PIGU: variants seen among roughly 807,000 people sequenced by gnomAD.
PIGU encodes phosphatidylinositol glycan anchor biosynthesis class U.
In PIGU, 24 loss-of-function variants were observed where a neutral mutation model predicts 49.9. The observed-to-expected ratio is 0.48, with a 90% CI of 0.35 to 0.68. The LOEUF is 0.68. Ranked by LOEUF, PIGU falls within the 30% of genes least tolerant of loss-of-function variation. The probability of loss-of-function intolerance (pLI) is 0.01; values close to 1 mark genes in which losing one functional copy is unlikely to be tolerated. For synonymous variants in PIGU, 220 were observed against 205.7 expected (o/e 1.07, Z -0.59); for missense variants, 490 against 532.6 (o/e 0.92, Z 0.79).
intron 6 of PIGU, among the ~76,000 whole-genome samples, chr20:34,629,891 T>C (rs1253644178): frequency 1.3e-5 from 2 of 151,416 alleles, no homozygotes; most frequent in Non-Finnish European, 2.9e-5. Flanking sequence ...TAAGGGGAGA[T>C]TATAGCAAAA....
At chr20:34,601,418 C>G (rs1984421243) in intron 7 of PIGU, among the ~76,000 whole-genome samples, 1 of 152,108 alleles carries the variant, frequency 6.6e-6, no homozygotes, top group African/African-American at 2.4e-5. Context: ...TGAGGCACAT[C>G]TAAAATTCCT....
At chr20:34,670,245 A>T (rs1370447318) in intron 1 of PIGU, among the ~76,000 whole-genome samples, 1 of 147,928 alleles carries the variant, frequency 6.8e-6, no homozygotes, top group Non-Finnish European at 1.5e-5. Flanking sequence ...GCTGGAGTGC[A>T]GTGGCATGAT....
intron 7 of PIGU, among the ~76,000 whole-genome samples, chr20:34,609,571 G>A (rs937327380): frequency 6.6e-6 from 1 of 151,986 alleles, no homozygotes; most frequent in Non-Finnish European, 1.5e-5. Flanking sequence ...CACTATGTTG[G>A]CCAGGCTTGT....
At chr20:34,587,602 CAT>C (rs1177168850) in intron 8 of PIGU, among the ~76,000 whole-genome samples, 2 of 152,232 alleles carry the variant, frequency 1.3e-5, no homozygotes, top group East Asian at 3.9e-4. Context: ...AAGAAAAAAA[CAT>C]ATTCCTCCTG....
intron 6 of PIGU, among the ~76,000 whole-genome samples, chr20:34,626,299 C>A (rs1007380384): frequency 1.4e-5 from 2 of 142,108 alleles, no homozygotes; most frequent in South Asian, 2.1e-4. Flanking sequence ...TTTAAAACTC[C>A]AAACTTTTTT....
chr20:34,584,968 G>T (rs564124891), intron 9 of PIGU, among the ~76,000 whole-genome samples: 2 of 152,170 alleles, frequency 1.3e-5, no homozygotes, highest in Non-Finnish European at 2.9e-5. Flanking sequence ...GATTATATGC[G>T]TGAGCCACTG....
At chr20:34,584,504 C>CTTTTTTT (rs5841174) in intron 9 of PIGU, among the ~76,000 whole-genome samples, 6 of 66,406 alleles carry the variant, frequency 9.0e-5, no homozygotes, top group Admixed American at 1.8e-4. Context: ...AACTCCTGTT[C>CTTTTTTT]TTTTTTTTTT....
chr20:34,664,771 C>T (rs1987033793), intron 1 of PIGU, among the ~76,000 whole-genome samples: 1 of 152,072 alleles, frequency 6.6e-6, no homozygotes, highest in South Asian at 2.1e-4. Context: ...GGGTATATCG[C>T]TTGAGCTCAG....
chr20:34,608,071 C>CTT (rs10555161), intron 7 of PIGU, among the ~76,000 whole-genome samples: 22 of 123,828 alleles, frequency 1.8e-4, no homozygotes, highest in East Asian at 4.8e-4. Flanking sequence ...GGAGACATGA[C>CTT]TTTTTTTTTT....
At chr20:34,566,027 G>C (rs1224875964) in intron 11 of PIGU, among the ~76,000 whole-genome samples, 2 of 150,798 alleles carry the variant, frequency 1.3e-5, no homozygotes, top group African/African-American at 4.9e-5. Context: ...CACACACACA[G>C]ATGCACACAC....
At chr20:34,647,837 G>T (rs1215349829) in intron 2 of PIGU, among the ~76,000 whole-genome samples, 1 of 152,086 alleles carries the variant, frequency 6.6e-6, no homozygotes, top group Non-Finnish European at 1.5e-5. Flanking sequence ...TAACACCTAT[G>T]GTTGCATCAT....
intron 1 of PIGU, among the ~76,000 whole-genome samples, chr20:34,666,561 T>C (rs748772734): frequency 4.3e-4 from 65 of 151,692 alleles, no homozygotes; most frequent in Non-Finnish European, 7.9e-4. Context: ...GACAGGGGCC[T>C]TAATCTTTTG....
chr20:34,676,344 C>T (rs1468612031), intron 1 of PIGU, among the ~76,000 whole-genome samples: 1 of 152,216 alleles, frequency 6.6e-6, no homozygotes, highest in African/African-American at 2.4e-5. Flanking sequence ...AACGATTTGT[C>T]TCCCTCACTA....
chr20:34,606,322 G>A (rs1367797411), intron 7 of PIGU, among the ~76,000 whole-genome samples: 1 of 149,084 alleles, frequency 6.7e-6, no homozygotes, highest in African/African-American at 2.5e-5. Flanking sequence ...AAATTTTCTA[G>A]TTGTCCCCCA....
chr20:34,587,608 C>T (rs1037602261), intron 8 of PIGU, among the ~76,000 whole-genome samples: 1 of 152,166 alleles, frequency 6.6e-6, no homozygotes, highest in Non-Finnish European at 1.5e-5. Flanking sequence ...AAAACATATT[C>T]CTCCTGAGAT....
At chr20:34,642,629 C>T (rs972748498) in intron 4 of PIGU, among the ~76,000 whole-genome samples, 3 of 139,164 alleles carry the variant, frequency 2.2e-5, no homozygotes, top group African/African-American at 8.1e-5. Context: ...CTATTCATAT[C>T]TATATCACAC....
intron 6 of PIGU, among the ~76,000 whole-genome samples, chr20:34,623,184 A>C (rs1164373479): frequency 6.6e-6 from 1 of 152,174 alleles, no homozygotes. Flanking sequence ...GCAGAAACGC[A>C]CTGGAATGTA....
intron 9 of PIGU, among the ~76,000 whole-genome samples, chr20:34,583,541 T>A (rs1181363053): frequency 6.6e-6 from 1 of 152,234 alleles, no homozygotes; most frequent in African/African-American, 2.4e-5. Context: ...GCTTAGGTCA[T>A]AAAATGGTGA....
intron 4 of PIGU, among the ~76,000 whole-genome samples, chr20:34,640,209 T>C (rs1986106594): frequency 1.3e-5 from 2 of 152,208 alleles, no homozygotes; most frequent in South Asian, 4.1e-4. Flanking sequence ...GCAATGGAAG[T>C]ACTTCCTTAT....
Sources: allele counts gnomAD v4.1 joint callset (sites outside exome capture counted in the v4.1 genomes callset), GRCh38; gene constraint gnomAD v4.1.1; transcripts MANE v1.5; gene names NCBI Gene and HGNC (gene_info 2026-07-23, HGNC 2026-07-21).